The following SNX9 variants were observed in gnomAD, a reference collection of about 807,000 sequenced individuals.
SNX9 encodes sorting nexin-9.
Under a neutral mutation model 89.4 loss-of-function variants are expected in SNX9, and 44 were observed. The observed-to-expected ratio is 0.49, with a 90% confidence interval of 0.39 to 0.63. The LOEUF is 0.63. Ranked by LOEUF, SNX9 falls within the 30% of genes least tolerant of loss-of-function variation. The pLI, the probability that SNX9 is intolerant of heterozygous loss-of-function variation, is 0.00. For missense variants in SNX9, 578 were observed against 736.1 expected, an observed-to-expected ratio of 0.79 and a Z score of 2.49; for synonymous variants, 236 against 247.8, an observed-to-expected ratio of 0.95 and a Z score of 0.45.
intron 1 of SNX9, among the ~76,000 whole-genome samples, chr6:157,867,273 G>A (rs954311728): frequency 6.6e-6 from 1 of 152,168 alleles, no homozygotes; most frequent in South Asian, 2.1e-4. Flanking sequence ...TATATTTCGA[G>A]TAACTTTTTT....
intron 1 of SNX9, among the ~76,000 whole-genome samples, chr6:157,826,275 G>A (rs935413028): frequency 1.3e-5 from 2 of 152,038 alleles, no homozygotes; most frequent in African/African-American, 2.4e-5. Context: ...GAGGCGGGCG[G>A]ATCACGAGGT....
At chr6:157,879,550 T>G (rs1252598841) in intron 4 of SNX9, among the ~76,000 whole-genome samples, 1 of 152,262 alleles carries the variant, frequency 6.6e-6, no homozygotes, top group African/African-American at 2.4e-5. Context: ...GACAACCATT[T>G]TATTACCTTT....
chr6:157,855,791 C>T (rs747649271), intron 1 of SNX9, among the ~76,000 whole-genome samples: 32 of 152,188 alleles, frequency 2.1e-4, no homozygotes, highest in Non-Finnish European at 4.3e-4. Flanking sequence ...GAGTGGAGTG[C>T]AGTGGCACAG....
chr6:157,926,780 C>CAAAAAAAAAA (rs71027371), intron 10 of SNX9, among the ~76,000 whole-genome samples: 1 of 60,710 alleles, frequency 1.6e-5, no homozygotes, highest in East Asian at 5.3e-4. Context: ...GACTCTGTCT[C>CAAAAAAAAAA]AAAAAAAAAA....
intron 1 of SNX9, chr6:157,830,095 ATATC>A (rs1781453885): frequency 1.3e-5 from 2 of 152,310 alleles, no homozygotes; most frequent in South Asian, 4.1e-4. Context: ...TATTTTAGTT[ATATC>A]TTTTTCACCA....
intron 1 of SNX9, among the ~76,000 whole-genome samples, chr6:157,840,328 G>A (rs1781673116): frequency 6.6e-6 from 1 of 152,178 alleles, no homozygotes; most frequent in African/African-American, 2.4e-5. Flanking sequence ...GCGACCACGG[G>A]GGCTTTGACA....
intron 9 of SNX9, among the ~76,000 whole-genome samples, chr6:157,911,171 A>T (rs1485751146): frequency 6.6e-6 from 1 of 152,222 alleles, no homozygotes; most frequent in Non-Finnish European, 1.5e-5. Context: ...CTTAAAGGTT[A>T]GACAGAGTTT....
At position 157,944,571 on chromosome 6, in the gene SNX9, T is replaced by A. The variant is rs1473248637; in HGVS notation, c.*1733T>A. 6.6e-6 allele frequency: 1 copy of A among 152,474 alleles called. No homozygotes were observed. Among genetic ancestry groups the A allele is most frequent in the South Asian group, 2.1e-4 (1 of 4,832 alleles). The allele number at this position is 152,474 out of a possible 1,614,324, so 9.4% of individuals were successfully genotyped here. On this transcript the variant is annotated 3_prime_UTR_variant, in exon 18 of 18. Transcript: ENST00000392185. ...CTTTGTGTGTGATTTTTGTTGTTGT[T>A]GTTAAGTACTTTTTATTCCAGCTGC...
intron 9 of SNX9, among the ~76,000 whole-genome samples, chr6:157,921,027 A>G (rs906574920): frequency 1.3e-5 from 2 of 152,368 alleles, no homozygotes; most frequent in Non-Finnish European, 2.9e-5. Flanking sequence ...TTAAACTTGT[A>G]TAGATGTAAT....
At position 157,944,412 on chromosome 6, in the gene SNX9, A is replaced by G. The variant is rs2115230171; in HGVS notation, c.*1574A>G. On this transcript the variant is annotated 3_prime_UTR_variant, in exon 18 of 18. Coordinates refer to ENST00000392185, the MANE Select transcript of SNX9 (RefSeq NM_016224.5). Reference sequence around the variant, plus strand: ...TGTTTATGCTATAGCCATTTAATATATGTACAAATTGTAAAGAATATGTAT... The same window carrying G: ...TGTTTATGCTATAGCCATTTAATATGTGTACAAATTGTAAAGAATATGTAT... 6.5e-6 allele frequency: 1 copy of G among 152,812 alleles called. No homozygotes were observed. The allele number at this position is 152,812 out of a possible 1,614,324, so 9.5% of individuals were successfully genotyped here.
At chr6:157,911,574 C>T (rs1783346139) in intron 9 of SNX9, among the ~76,000 whole-genome samples, 1 of 152,192 alleles carries the variant, frequency 6.6e-6, no homozygotes, top group Non-Finnish European at 1.5e-5. Flanking sequence ...TTTTCATCTT[C>T]ACTTTATAGA....
At chr6:157,857,585 T>C (rs1782036887) in intron 1 of SNX9, among the ~76,000 whole-genome samples, 1 of 152,100 alleles carries the variant, frequency 6.6e-6, no homozygotes, top group Non-Finnish European at 1.5e-5. Context: ...ATCTTTATCA[T>C]GTTACCTACG....
intron 17 of SNX9, 64 bp downstream of exon 17, chr6:157,941,038 G>A (rs892363442): frequency 7.3e-7 from 1 of 1,370,038 alleles, no homozygotes; most frequent in Non-Finnish European, 1.0e-6. Context: ...AAACCACTTT[G>A]ACCATGTAAA....
At chr6:157,875,495 AGAG>A (rs1344986417) in intron 4 of SNX9, among the ~76,000 whole-genome samples, 1 of 152,194 alleles carries the variant, frequency 6.6e-6, no homozygotes, top group African/African-American at 2.4e-5. Context: ...AAGAGGAAGA[AGAG>A]GAGGCTCTTG....
At chr6:157,857,540 ATAGT>A (rs1368792822) in intron 1 of SNX9, among the ~76,000 whole-genome samples, 1 of 152,004 alleles carries the variant, frequency 6.6e-6, no homozygotes, top group Non-Finnish European at 1.5e-5. Flanking sequence ...TTTCCTTCAG[ATAGT>A]TACTTATTTG....
At chr6:157,911,607 CATT>C (rs1783347244) in intron 9 of SNX9, among the ~76,000 whole-genome samples, 1 of 152,172 alleles carries the variant, frequency 6.6e-6, no homozygotes, top group Non-Finnish European at 1.5e-5. Flanking sequence ...AATCCACAGA[CATT>C]AAACAGGTTC....
chr6:157,888,905 G>A (rs1782793471), intron 4 of SNX9, among the ~76,000 whole-genome samples: 1 of 152,154 alleles, frequency 6.6e-6, no homozygotes, highest in Admixed American at 6.5e-5. Context: ...CTAATGAAAG[G>A]TCTTTAACTC....
intron 9 of SNX9, 139 bp from the exon 10 acceptor site, chr6:157,921,392 A>G (rs796488818): frequency 1.2e-5 from 10 of 800,464 alleles, no homozygotes; most frequent in Middle Eastern, 2.5e-4. Context: ...ATTAGTTAAA[A>G]ATCTCCATGG....
chr6:157,908,365 T>G (rs1399234961), intron 7 of SNX9, among the ~76,000 whole-genome samples: 2 of 152,244 alleles, frequency 1.3e-5, no homozygotes, highest in African/African-American at 4.8e-5. Flanking sequence ...TGTGTTTGTT[T>G]TTTCATTCTC....
Sources: gnomAD v4.1 joint callset for allele counts (sites outside exome capture counted in the v4.1 genomes callset) on GRCh38, gnomAD v4.1.1 for gene constraint, MANE v1.5 for transcripts, NCBI Gene and HGNC (gene_info 2026-07-23, HGNC 2026-07-21) for gene names.